The following SDK1 variants were observed in gnomAD, a reference collection of about 807,000 sequenced individuals.
The protein encoded by SDK1 is sidekick cell adhesion molecule 1, also known as protein sidekick-1.
Under a neutral mutation model 245.5 loss-of-function variants are expected in SDK1, and 157 were observed. The observed-to-expected ratio is 0.64, with a 90% CI of 0.56 to 0.73. The LOEUF (loss-of-function observed/expected upper bound fraction) is 0.73. SDK1 is among the 30% of genes least tolerant of loss of function. The probability of loss-of-function intolerance (pLI) is 0.00; values close to 1 mark genes in which losing one functional copy is unlikely to be tolerated. For synonymous variants in SDK1, 1,647 were observed against 1,278.5 expected (o/e 1.29, Z -6.15); for missense variants, 3,583 against 3,002.3 (o/e 1.19, Z -4.52).
intron 22 of SDK1, among the ~76,000 whole-genome samples, chr7:4,103,007 C>G (rs1451723262): frequency 7.4e-6 from 1 of 135,202 alleles, no homozygotes; most frequent in African/African-American, 2.6e-5. Flanking sequence ...CCCCACAGAG[C>G]TTTTTTTTTT....
At chr7:3,987,449 G>C (rs1783947415) in intron 14 of SDK1, 127 bp downstream of exon 14, 2 of 982,922 alleles carry the variant, frequency 2.0e-6, no homozygotes, top group East Asian at 4.9e-5. Context: ...TGCTTTACAG[G>C]GTTTCAAACA....
intron 1 of SDK1, among the ~76,000 whole-genome samples, chr7:3,349,086 T>C (rs1347446973): frequency 6.6e-6 from 1 of 152,052 alleles, no homozygotes; most frequent in Non-Finnish European, 1.5e-5. Context: ...TGCACTTCAG[T>C]TTTGTCGTTC....
chr7:3,708,796 T>G (rs1170672927), intron 4 of SDK1, among the ~76,000 whole-genome samples: 6 of 152,264 alleles, frequency 3.9e-5, no homozygotes, highest in Non-Finnish European at 5.9e-5. Flanking sequence ...TTACCTTACA[T>G]GTCAAGTGAG....
chr7:3,480,320 G>A (rs535555944), intron 1 of SDK1, among the ~76,000 whole-genome samples: 3 of 152,280 alleles, frequency 2.0e-5, no homozygotes, highest in South Asian at 2.1e-4. Context: ...AAATGGAGCC[G>A]CGAGGCCATG....
At position 3,971,558 on chromosome 7, in the gene SDK1, G is replaced by C; in HGVS notation, c.1807G>C (p.Val603Leu). ...LHCGATHDPRVSLRYVWKKDN... is the reference protein window; with the variant it reads ...LHCGATHDPRLSLRYVWKKDN... ...CTGTGGTGCCACACATGACCCCCGG[G>C]TTTCACTCCGGTCAGCACAATCAGT... Residue 603 changes from valine to leucine, a missense_variant, in exon 12 of 45, where the codon GTT (valine) becomes CTT (leucine). Transcript: ENST00000404826. 1 of 1,610,540 alleles carries C rather than the reference G, an allele frequency of 6.2e-7. No homozygotes were observed. The highest frequency in any genetic ancestry group is 8.5e-7 in the Non-Finnish European group (1 of 1,177,762).
chr7:3,873,797 T>G (rs546360708), intron 5 of SDK1, among the ~76,000 whole-genome samples: 2 of 152,320 alleles, frequency 1.3e-5, no homozygotes, highest in East Asian at 3.9e-4. Context: ...TCTTTTTCAC[T>G]TAATTATTTT....
At chr7:3,498,636 T>C (rs563881926) in intron 1 of SDK1, among the ~76,000 whole-genome samples, 1 of 152,334 alleles carries the variant, frequency 6.6e-6, no homozygotes, top group South Asian at 2.1e-4. Context: ...TTTCCTCCAA[T>C]ATCACAGACA....
chr7:3,584,952 C>T (rs1266321721), intron 1 of SDK1, among the ~76,000 whole-genome samples: 4 of 152,074 alleles, frequency 2.6e-5, no homozygotes, highest in Admixed American at 6.6e-5. Context: ...TCCCGATCTC[C>T]TGACCTCGTA....
At chr7:3,565,294 G>C (rs766368708) in intron 1 of SDK1, among the ~76,000 whole-genome samples, 2 of 152,086 alleles carry the variant, frequency 1.3e-5, no homozygotes, top group Admixed American at 6.5e-5. Flanking sequence ...AGCTACAAAG[G>C]AATCTGGGAA....
intron 7 of SDK1, among the ~76,000 whole-genome samples, chr7:3,955,694 A>G (rs1781205689): frequency 6.6e-6 from 1 of 152,240 alleles, no homozygotes; most frequent in African/African-American, 2.4e-5. Context: ...CCTACACAGA[A>G]GAAGCTTTGC....
chr7:4,214,649 C>T (rs1387668088), intron 38 of SDK1, among the ~76,000 whole-genome samples: 2 of 152,196 alleles, frequency 1.3e-5, no homozygotes, highest in South Asian at 4.1e-4. Flanking sequence ...CATGCAGACC[C>T]CCCACGTTTG....
At chr7:3,534,930 G>A (rs979082754) in intron 1 of SDK1, among the ~76,000 whole-genome samples, 6 of 152,142 alleles carry the variant, frequency 3.9e-5, no homozygotes, top group Non-Finnish European at 7.4e-5. Flanking sequence ...GCCAGTCAGT[G>A]GACAGCTCAT....
chr7:3,814,917 A>C (rs996879766), intron 4 of SDK1, among the ~76,000 whole-genome samples: 7 of 152,198 alleles, frequency 4.6e-5, no homozygotes, highest in East Asian at 1.9e-4. Context: ...CTCTGTTTGT[A>C]TGTTGTTGGT....
At chr7:3,585,943 C>T (rs777291740) in intron 1 of SDK1, among the ~76,000 whole-genome samples, 1 of 152,192 alleles carries the variant, frequency 6.6e-6, no homozygotes, top group Non-Finnish European at 1.5e-5. Flanking sequence ...AAAGGAGACA[C>T]AGTATGTGGC....
rs528857806 is a variant in SDK1, at chr7:3,928,631, G to T, written c.848-22292G>T. ...TTGAACTCAATAAAAGTTTTTTTTT[G>T]GGGGGGGTGGGTGGAATGCCAATAA... On this transcript the variant is annotated intron_variant, in intron 5 of 44. Transcript: ENST00000404826. Among the ~76,000 whole-genome samples the T allele has an allele frequency of 6.9e-5, 10 of 145,726 alleles. No individual in the cohort carries two copies. In the South Asian group the frequency reaches 1.7e-3, roughly 24 times the overall value.
intron 35 of SDK1, among the ~76,000 whole-genome samples, chr7:4,183,630 G>A (rs995655154): frequency 7.5e-6 from 1 of 133,834 alleles, no homozygotes; most frequent in East Asian, 2.2e-4. Flanking sequence ...TACAGAGCAA[G>A]ACTCCGTCTC....
intron 4 of SDK1, among the ~76,000 whole-genome samples, chr7:3,665,739 A>G (rs1327204604): frequency 2.6e-5 from 4 of 152,178 alleles, no homozygotes; most frequent in African/African-American, 9.7e-5. Context: ...TCCTGCTGCC[A>G]TCTGCAGTCT....
intron 32 of SDK1, among the ~76,000 whole-genome samples, chr7:4,170,066 T>C (rs1314526804): frequency 1.3e-5 from 2 of 152,128 alleles, no homozygotes; most frequent in Non-Finnish European, 2.9e-5. Flanking sequence ...TTTCCATCCA[T>C]TGTATTTCTT....
intron 1 of SDK1, among the ~76,000 whole-genome samples, chr7:3,613,122 G>A (rs117169634): frequency 5.3e-5 from 8 of 152,138 alleles, no homozygotes; most frequent in East Asian, 3.9e-4. Flanking sequence ...TCATTCTGCC[G>A]TTGAAGGGTT....
Sources: gnomAD v4.1 joint callset for allele counts (sites outside exome capture counted in the v4.1 genomes callset) on GRCh38, gnomAD v4.1.1 for gene constraint, MANE v1.5 for transcripts, NCBI Gene and HGNC (gene_info 2026-07-23, HGNC 2026-07-21) for gene names.